The following AGTR1 variants were observed in gnomAD, a reference collection of about 807,000 sequenced individuals.
The protein encoded by AGTR1 is type-1 angiotensin II receptor.
Under a neutral mutation model 19.4 loss-of-function variants are expected in AGTR1, and 16 were observed. The observed-to-expected ratio is 0.82, with a 90% CI of 0.56 to 1.25. The LOEUF (loss-of-function observed/expected upper bound fraction) is 1.25. AGTR1 is among the 50% of genes most tolerant of loss of function. AGTR1 has a pLI of 0.00. For synonymous variants in AGTR1, 153 were observed against 154.9 expected, an observed-to-expected ratio of 0.99 and a Z score of 0.09; for missense variants, 373 against 431.9, an observed-to-expected ratio of 0.86 and a Z score of 1.21.
rs146047795 is a variant in AGTR1 at position 148,705,477 on chromosome 3, TTATCATGA to T, written c.-131-2465_-131-2458del. ...GATGTCACTTCATATAAAACACATTTTATCATGATGTCTCCCAGCCCTCAGTTACACAG... is the reference window on the plus strand; with the variant it reads ...GATGTCACTTCATATAAAACACATTTTGTCTCCCAGCCCTCAGTTACACAG... On this transcript the variant is annotated intron_variant, in intron 1 of 2. Transcript: ENST00000349243. Among the ~76,000 whole-genome samples the T allele has an allele frequency of 6.6e-5, 10 of 152,216 alleles. No homozygotes were observed. In the East Asian group the frequency reaches 1.5e-3, roughly 23 times the overall value.
At chr3:148,718,240 A>G (rs889245993) in intron 2 of AGTR1, among the ~76,000 whole-genome samples, 4 of 152,240 alleles carry the variant, frequency 2.6e-5, no homozygotes, top group African/African-American at 7.2e-5. Flanking sequence ...AAAATCTAGC[A>G]TCAGAATCCC....
At chr3:148,701,977 CTT>C (rs398062907) in intron 1 of AGTR1, among the ~76,000 whole-genome samples, 22 of 132,594 alleles carry the variant, frequency 1.7e-4, no homozygotes, top group Admixed American at 2.3e-4. Context: ...GATTGTGTAC[CTT>C]TTTTTTTTTT....
intron 1 of AGTR1, among the ~76,000 whole-genome samples, chr3:148,700,818 T>G (rs1712296071): frequency 1.3e-5 from 2 of 152,328 alleles, no homozygotes; most frequent in South Asian, 4.1e-4. Flanking sequence ...ACGTGATGAT[T>G]GGAAAATGCT....
rs1299028660 is a variant in AGTR1 at position 148,741,080 on chromosome 3, AG to A, written c.46del (p.Asp16MetfsTer15). ...CTGAAGATGGTATTAAAAGAATCCA[AG>A]ATGATTGTCCCAAAGCTGGAAGGCA... is the stretch of plus-strand genomic sequence containing the variant. ...STEDGIKRIQ[D>X]DCPKAGRHNY... On this transcript the variant is annotated frameshift_variant, in exon 3 of 3. Coordinates refer to ENST00000349243, the MANE Select transcript of AGTR1 (RefSeq NM_000685.5). LOFTEE classifies it high-confidence loss of function. 1.2e-6 allele frequency: 2 copies of A among 1,614,082 alleles called. No homozygotes were observed. Among genetic ancestry groups the A allele is most frequent in the Admixed American group, 3.3e-5 (2 of 60,030 alleles).
At chr3:148,739,825 A>G (rs1714773188) in intron 2 of AGTR1, 1 of 1,231,742 alleles carries the variant, frequency 8.1e-7, no homozygotes, top group Middle Eastern at 3.1e-4. Context: ...GAGAATGCTC[A>G]GCCATGTTCA....
intron 1 of AGTR1, among the ~76,000 whole-genome samples, chr3:148,704,173 A>AC (rs1432746002): frequency 6.6e-6 from 1 of 151,670 alleles, no homozygotes; most frequent in Non-Finnish European, 1.5e-5. Context: ...ACAAACTGAG[A>AC]CCCCCATCTC....
intron 1 of AGTR1, among the ~76,000 whole-genome samples, chr3:148,706,810 T>C (rs1043966406): frequency 6.6e-6 from 1 of 152,006 alleles, no homozygotes; most frequent in East Asian, 1.9e-4. Context: ...CTTTTACTTA[T>C]CAGATAAAGA....
In AGTR1 at chr3:148,701,720, G is replaced by A. The variant is rs12721218; in HGVS notation, c.-132+3593G>A. Among the ~76,000 whole-genome samples, 516 of 152,160 alleles carry A rather than the reference G, an allele frequency of 3.4e-3. 1 individual carries two copies. Among genetic ancestry groups the A allele is most frequent in the African/African-American group, 0.012 (478 of 41,524 alleles). On this transcript the variant is annotated intron_variant, in intron 1 of 2. Coordinates refer to ENST00000349243, the MANE Select transcript of AGTR1 (RefSeq NM_000685.5). ...TGGAAAATGGGTAAAAAATGAGTGTGCCTTGTTTCCTATTATTACAATGTG... is the reference window on the plus strand; with the variant it reads ...TGGAAAATGGGTAAAAAATGAGTGTACCTTGTTTCCTATTATTACAATGTG...
In AGTR1 at chr3:148,742,133, C is replaced by T. The variant is rs1159321765; in HGVS notation, c.*18C>T. ...TTGAGTGACATGTTCGAAACCTGTC[C>T]ATAAAGTAATTTTGTGAAAGAAGGA... On this transcript the variant is annotated 3_prime_UTR_variant, in exon 3 of 3. Transcript: ENST00000349243. 6.2e-7 allele frequency: 1 copy of T among 1,613,514 alleles called. No individual in the cohort carries two copies. The highest frequency in any genetic ancestry group is 8.5e-7 in the Non-Finnish European group (1 of 1,179,720).
chr3:148,729,969 G>T, intron 2 of AGTR1: 1 of 287,688 alleles, frequency 3.5e-6, no homozygotes, highest in Non-Finnish European at 6.4e-6. Context: ...AAATTTGCTC[G>T]CAGGGAAAAA....
chr3:148,737,751 T>C (rs1161841785), intron 2 of AGTR1, among the ~76,000 whole-genome samples: 1 of 152,184 alleles, frequency 6.6e-6, no homozygotes, highest in African/African-American at 2.4e-5. Flanking sequence ...ATTTGTTTCT[T>C]TATTGGGCAG....
intron 2 of AGTR1, among the ~76,000 whole-genome samples, chr3:148,710,229 C>G (rs1712903844): frequency 6.6e-6 from 1 of 152,142 alleles, no homozygotes; most frequent in African/African-American, 2.4e-5. Flanking sequence ...GTTTTTAATA[C>G]TTTTGAAATT....
chr3:148,730,016 C>T (rs1238681593), intron 2 of AGTR1: 1 of 377,056 alleles, frequency 2.7e-6, no homozygotes, highest in Non-Finnish European at 4.7e-6. Context: ...ACAGTGTGAA[C>T]TTAATAACAC....
intron 2 of AGTR1, chr3:148,739,805 G>A: frequency 8.1e-7 from 1 of 1,231,672 alleles, no homozygotes; most frequent in Non-Finnish European, 1.0e-6. Flanking sequence ...CCCAGGGCAT[G>A]CCATTGCAAG....
intron 2 of AGTR1, among the ~76,000 whole-genome samples, chr3:148,722,930 G>GTA (rs1459594589): frequency 2.5e-4 from 38 of 152,294 alleles, no homozygotes; most frequent in African/African-American, 9.1e-4. Flanking sequence ...ATTAACCAAA[G>GTA]TATACATGTC....
At chr3:148,701,924 G>A (rs1286629186) in intron 1 of AGTR1, among the ~76,000 whole-genome samples, 2 of 150,296 alleles carry the variant, frequency 1.3e-5, no homozygotes, top group Non-Finnish European at 3.0e-5. Flanking sequence ...TAAGTACTCT[G>A]TATGCTTAAG....
intron 2 of AGTR1, among the ~76,000 whole-genome samples, chr3:148,710,626 G>A (rs1192041610): frequency 6.6e-6 from 1 of 151,970 alleles, no homozygotes; most frequent in Non-Finnish European, 1.5e-5. Flanking sequence ...TTAAGCAGTT[G>A]GAGAGCCAAA....
At position 148,711,864 on chromosome 3, in the gene AGTR1, T is replaced by G. The variant is rs972864468; in HGVS notation, c.-48+3837T>G. On this transcript the variant is annotated intron_variant, in intron 2 of 2. Coordinates refer to ENST00000349243, the MANE Select transcript of AGTR1 (RefSeq NM_000685.5). ...CCTGGGCTCAAGCCATCCTCCTATC[T>G]CATCCTCCCAAGTATCTAGGACTAC... Among the ~76,000 whole-genome samples the G allele has an allele frequency of 3.3e-5, 5 of 152,216 alleles. No homozygotes were observed. In the East Asian group the frequency reaches 9.7e-4, roughly 29 times the overall value.
chr3:148,740,982 T>C lies in AGTR1; in HGVS notation c.-47-7T>C. The C allele has an allele frequency of 6.3e-7, 1 of 1,598,964 alleles. No individual in the cohort carries two copies. The highest frequency in any genetic ancestry group is 8.5e-7 in the Non-Finnish European group (1 of 1,175,040). ...TTTCTTTACCATTTTATTTTTATTT[T>C]CCCCAGGTGTATTTGATATAGTGTT... On this transcript the variant is annotated splice_region_variant and splice_polypyrimidine_tract_variant and intron_variant, in intron 2 of 2. Coordinates refer to ENST00000349243, the MANE Select transcript of AGTR1 (RefSeq NM_000685.5).
Sources: gnomAD v4.1 joint callset for allele counts (sites outside exome capture counted in the v4.1 genomes callset) on GRCh38, gnomAD v4.1.1 for gene constraint, MANE v1.5 for transcripts, NCBI Gene and HGNC (gene_info 2026-07-23, HGNC 2026-07-21) for gene names.